The following DNAJC21 variants were observed in gnomAD, a reference collection of about 807,000 sequenced individuals.
The protein encoded by DNAJC21 is dnaJ homolog subfamily C member 21.
In DNAJC21, 63 loss-of-function variants were observed where a neutral mutation model predicts 72.4. That is an observed-to-expected ratio of 0.87 (90% confidence interval 0.71 to 1.07). The LOEUF (loss-of-function observed/expected upper bound fraction) is 1.07. DNAJC21 is among the 50% of genes least tolerant of loss of function. The probability of loss-of-function intolerance (pLI) is 0.00; values close to 1 mark genes in which losing one functional copy is unlikely to be tolerated. For synonymous variants in DNAJC21, 203 were observed against 216.7 expected (o/e 0.94, Z 0.56); for missense variants, 634 against 644.8 (o/e 0.98, Z 0.18).
At chr5:34,933,315 T>G (rs1202489516) in intron 1 of DNAJC21, among the ~76,000 whole-genome samples, 1 of 152,160 alleles carries the variant, frequency 6.6e-6, no homozygotes. Flanking sequence ...AGATGGAGTC[T>G]TGCTGGAGCA....
chr5:34,952,269 A>G (rs1488463960), intron 10 of DNAJC21: 3 of 979,320 alleles, frequency 3.1e-6, no homozygotes, highest in East Asian at 1.1e-4. Context: ...TATTTCTGAC[A>G]TATCTGTGAT....
chr5:34,951,506 T>C, intron 10 of DNAJC21: 2 of 984,152 alleles, frequency 2.0e-6, no homozygotes, highest in South Asian at 4.7e-5. Flanking sequence ...CATCTAAAAC[T>C]AAAATGTTTT....
chr5:34,944,380 TA>T (rs1018820527), intron 7 of DNAJC21, among the ~76,000 whole-genome samples: 1 of 152,240 alleles, frequency 6.6e-6, no homozygotes, highest in Admixed American at 6.5e-5. Flanking sequence ...CTTTTAACAT[TA>T]AAATGTGTGT....
chr5:34,951,943 TC>T (rs1479075942), intron 10 of DNAJC21: 1 of 985,496 alleles, frequency 1.0e-6, no homozygotes, highest in Non-Finnish European at 1.2e-6. Flanking sequence ...TTCAGAGAAT[TC>T]AAGTGACTTC....
Position 34,929,833 on chromosome 5 carries a change from A to C in DNAJC21, c.14A>C (p.Tyr5Ser). 3 of 1,552,292 alleles carry C rather than the reference A, an allele frequency of 1.9e-6. No individual in the cohort carries two copies. The highest frequency in any genetic ancestry group is 2.6e-6 in the Non-Finnish European group (3 of 1,148,554). Reference sequence around the variant, plus strand: ...CCCGGTCGGGCGATGAAGTGTCACTATGAGGCGCTGGGGGTGCGGCGCGAC... The same window carrying C: ...CCCGGTCGGGCGATGAAGTGTCACTCTGAGGCGCTGGGGGTGCGGCGCGAC... MKCH[Y>S]EALGVRRDAS... The change falls in exon 1 of 12, where the codon TAT becomes TCT. Residue 5 changes from tyrosine (Y) to serine (S), a missense_variant. Transcript: ENST00000648817.
intron 6 of DNAJC21, among the ~76,000 whole-genome samples, chr5:34,940,604 TA>T (rs1184586972): frequency 2.6e-5 from 4 of 152,110 alleles, no homozygotes; most frequent in Non-Finnish European, 2.9e-5. Context: ...AAAAGCTTAT[TA>T]AAAAAAAGTT....
chr5:34,929,954 G>A, intron 1 of DNAJC21, 38 bp downstream of exon 1: 1 of 1,511,096 alleles, frequency 6.6e-7, no homozygotes, highest in Non-Finnish European at 9.0e-7. Context: ...GCCACTCGGA[G>A]AAGCCCGGCC....
intron 9 of DNAJC21, among the ~76,000 whole-genome samples, chr5:34,946,559 T>A (rs923802039): frequency 2.6e-5 from 4 of 152,162 alleles, no homozygotes; most frequent in Non-Finnish European, 4.4e-5. Context: ...TAGTCTTTTT[T>A]AAAATCAGTT....
At chr5:34,941,780 TG>T (rs1765004033) in intron 7 of DNAJC21, among the ~76,000 whole-genome samples, 1 of 152,020 alleles carries the variant, frequency 6.6e-6, no homozygotes, top group South Asian at 2.1e-4. Flanking sequence ...TTGGTCAGGC[TG>T]GTCTCAAACT....
At chr5:34,942,158 A>T (rs756475201) in intron 7 of DNAJC21, among the ~76,000 whole-genome samples, 64 of 151,908 alleles carry the variant, frequency 4.2e-4, no homozygotes, top group Admixed American at 1.2e-3. Flanking sequence ...ATCTCCCTCC[A>T]TCATTGGTGT....
chr5:34,945,591 AAATGACAATGTG>A lies in DNAJC21; in HGVS notation c.1143-166_1143-155del. On this transcript the variant is annotated intron_variant, in intron 8 of 11. Transcript: ENST00000648817. ...AACTACAGCCTTGTGTTATTCTCTA[AAATGACAATGTG>A]AATACTTTATTTTCCTTTTAATGCT... 3 of 577,244 alleles carry A rather than the reference AAATGACAATGTG, an allele frequency of 5.2e-6. No homozygotes were observed. In the South Asian group the frequency reaches 9.8e-5, roughly 19 times the overall value. 35.8% of individuals were successfully genotyped at this position (577,244 alleles called of 1,614,324 possible). A position where few individuals can be genotyped will look rare whatever the true frequency, so the allele number is the denominator to read the frequency against.
At position 34,945,790 on chromosome 5, in the gene DNAJC21, A is replaced by G; in HGVS notation, c.1172A>G (p.Gln391Arg). Residue 391 changes from glutamine to arginine, a missense_variant, in exon 9 of 12, where the codon CAG becomes CGG. Transcript: ENST00000648817. ...TCTAAAAAACAGAAGAAAAAGAAAC[A>G]GAAACCAGCACAGGTATGTTAGAAA... ...KLSKKQKKKK[Q>R]KPAQNYDDNF... 1 of 1,594,342 alleles carries G rather than the reference A, an allele frequency of 6.3e-7. No homozygotes were observed. Among genetic ancestry groups the G allele is most frequent in the Non-Finnish European group, 8.5e-7 (1 of 1,172,602 alleles).
At position 34,956,459 on chromosome 5, in the gene DNAJC21, A is replaced by G. The variant is rs1382744129; in HGVS notation, c.*1745A>G. 6.6e-6 allele frequency: 1 copy of G among 151,978 alleles called. No homozygotes were observed. Among genetic ancestry groups the G allele is most frequent in the Non-Finnish European group, 1.5e-5 (1 of 67,994 alleles). The allele number at this position is 151,978 out of a possible 1,614,324, so 9.4% of individuals were successfully genotyped here. A position where few individuals can be genotyped will look rare whatever the true frequency, so the allele number is the denominator to read the frequency against. ...CAGGGGGAATACTAGGCAGTTTTGT[A>G]TCTTCTGATCTCGTACCCTGAGACT... On this transcript the variant is annotated 3_prime_UTR_variant, in exon 12 of 12. Transcript: ENST00000648817.
rs1169932099 is a variant in DNAJC21, at chr5:34,958,565, G to A, written c.*3851G>A. The stretch of plus-strand genomic sequence containing the variant: ...AGGAAAAAATGATGCATAAAAACAT[G>A]GCTTCTGTAGAACAATAGAGACTGT... On this transcript the variant is annotated 3_prime_UTR_variant, in exon 12 of 12. Coordinates refer to ENST00000648817, the MANE Select transcript of DNAJC21 (RefSeq NM_001012339.3). The A allele has an allele frequency of 2.6e-5, 4 of 152,302 alleles. No individual in the cohort carries two copies. Among genetic ancestry groups the A allele is most frequent in the Non-Finnish European group, 4.4e-5 (3 of 68,036 alleles). The allele number at this position is 152,302 out of a possible 1,614,324, so 9.4% of individuals were successfully genotyped here. A position where few individuals can be genotyped will look rare whatever the true frequency, so the allele number is the denominator to read the frequency against.
intron 7 of DNAJC21, among the ~76,000 whole-genome samples, chr5:34,943,246 A>AC (rs2112065661): frequency 6.6e-6 from 1 of 152,350 alleles, no homozygotes; most frequent in Non-Finnish European, 1.5e-5. Context: ...CAGTCTAAGA[A>AC]CATAATCTGG....
At chr5:34,954,428 C>T in intron 11 of DNAJC21, 125 bp from the exon 12 acceptor site, 2 of 1,148,048 alleles carry the variant, frequency 1.7e-6, no homozygotes, top group African/African-American at 1.6e-5. Flanking sequence ...TGTTTATTAC[C>T]TGTCCACTCT....
rs557561992 is a variant in DNAJC21 at position 34,948,882 on chromosome 5, A to C, written c.1186-1288A>C. Reference sequence around the variant, plus strand: ...TGTCTCAAAAAAAAAAAAGTTGGAGAAAGGAGATAGGAAAGCTTTATTATT... The same window carrying C: ...TGTCTCAAAAAAAAAAAAGTTGGAGCAAGGAGATAGGAAAGCTTTATTATT... On this transcript the variant is annotated intron_variant, in intron 9 of 11. Transcript: ENST00000648817. Among the ~76,000 whole-genome samples the C allele has an allele frequency of 1.1e-4, 17 of 152,202 alleles. No homozygotes were observed. In the South Asian group the frequency reaches 2.7e-3, roughly 24 times the overall value.
chr5:34,944,719 A>T (rs1338641282), intron 7 of DNAJC21, 148 bp from the exon 8 acceptor site: 3 of 1,064,806 alleles, frequency 2.8e-6, no homozygotes, highest in Middle Eastern at 3.3e-4. Flanking sequence ...ATGAACAAAT[A>T]AAAAAAAAGA....
intron 9 of DNAJC21, among the ~76,000 whole-genome samples, chr5:34,946,657 G>T (rs1197980196): frequency 6.6e-6 from 1 of 152,030 alleles, no homozygotes; most frequent in Admixed American, 6.6e-5. Flanking sequence ...AAACCGCATA[G>T]CAAATATGTG....
Sources: allele counts gnomAD v4.1 joint callset (sites outside exome capture counted in the v4.1 genomes callset), GRCh38; gene constraint gnomAD v4.1.1; transcripts MANE v1.5; gene names NCBI Gene and HGNC (gene_info 2026-07-23, HGNC 2026-07-21).